PASD1: variants seen among roughly 807,000 people sequenced by gnomAD.
The protein encoded by PASD1 is circadian clock protein PASD1.
In PASD1, 13 loss-of-function variants were observed where a neutral mutation model predicts 58.8. The ratio of observed to expected loss-of-function variants is 0.22; its 90% CI spans 0.14 to 0.35. The LOEUF is 0.35. Ranked by LOEUF, PASD1 falls within the 10% of genes least tolerant of loss-of-function variation. PASD1 has a pLI of 1.00. For synonymous variants in PASD1, 236 were observed against 216.7 expected, an observed-to-expected ratio of 1.09 and a Z score of -0.78; for missense variants, 734 against 568.3, an observed-to-expected ratio of 1.29 and a Z score of -2.96.
At chrX:151,606,001 G>T (rs1276748390) in intron 3 of PASD1, among the ~76,000 whole-genome samples, 1 of 112,254 alleles carries the variant, frequency 8.9e-6, no homozygotes, top group African/African-American at 3.2e-5. Flanking sequence ...GAAACCAGAT[G>T]CTTATTTGAA....
chrX:151,604,241 G>GT (rs1203957043), intron 2 of PASD1, among the ~76,000 whole-genome samples: 1 of 111,980 alleles, frequency 8.9e-6, no homozygotes, highest in Non-Finnish European at 1.9e-5. Flanking sequence ...AAGCTAAAGA[G>GT]TGGAATTTCA....
intron 8 of PASD1, among the ~76,000 whole-genome samples, chrX:151,638,014 C>A (rs1443664858): frequency 9.0e-6 from 1 of 111,323 alleles, no homozygotes; most frequent in African/African-American, 3.3e-5. Context: ...ATTAATTTTG[C>A]AAAGTCAGAG....
At chrX:151,612,502 C>T (rs778268605) in intron 4 of PASD1, among the ~76,000 whole-genome samples, 4 of 109,816 alleles carry the variant, frequency 3.6e-5, no homozygotes, top group Non-Finnish European at 5.7e-5. Context: ...TTTTAATGAT[C>T]GCCATTCTAA....
chrX:151,604,999 C>T (rs982617779), intron 3 of PASD1, among the ~76,000 whole-genome samples: 12 of 111,902 alleles, frequency 1.1e-4, no homozygotes, highest in East Asian at 5.6e-4. Context: ...AACAAGTCTT[C>T]GCATAGGTTA....
At chrX:151,624,010 T>C (rs2013752685) in intron 7 of PASD1, among the ~76,000 whole-genome samples, 2 of 111,617 alleles carry the variant, frequency 1.8e-5, no homozygotes, top group South Asian at 3.8e-4. Flanking sequence ...TTCAAGTGCA[T>C]TGGAAAGCAG....
intron 3 of PASD1, among the ~76,000 whole-genome samples, chrX:151,609,995 T>C (rs2013536015): frequency 9.0e-6 from 1 of 111,331 alleles, no homozygotes; most frequent in South Asian, 3.8e-4. Context: ...GTTTTAATCA[T>C]AGCCCATCCT....
chrX:151,674,256 G>A (rs1479978108), intron 15 of PASD1, 70 bp downstream of exon 15: 1 of 1,157,035 alleles, frequency 8.6e-7, no homozygotes, highest in East Asian at 3.0e-5. Context: ...TCCACATAAG[G>A]CACACACCCC....
intron 7 of PASD1, 34 bp from the exon 8 acceptor site, chrX:151,625,414 T>C: frequency 9.2e-7 from 1 of 1,086,301 alleles, no homozygotes; most frequent in Non-Finnish European, 1.3e-6. Flanking sequence ...TTTATATACA[T>C]ATTAAATGTC....
At chrX:151,630,159 A>G (rs2013850088) in intron 8 of PASD1, among the ~76,000 whole-genome samples, 1 of 112,114 alleles carries the variant, frequency 8.9e-6, no homozygotes, top group Non-Finnish European at 1.9e-5. Flanking sequence ...AAGCGGATGC[A>G]TTTAATGAAG....
chrX:151,578,133 T>A (rs944170287), intron 1 of PASD1, among the ~76,000 whole-genome samples: 7 of 112,236 alleles, frequency 6.2e-5, no homozygotes, highest in Non-Finnish European at 1.1e-4. Flanking sequence ...ACTGAAGTCA[T>A]TTTGGAGATT....
intron 1 of PASD1, among the ~76,000 whole-genome samples, chrX:151,575,651 T>A (rs770016116): frequency 9.1e-6 from 1 of 109,868 alleles, no homozygotes; most frequent in Non-Finnish European, 1.9e-5. Flanking sequence ...AGCTGGAATT[T>A]TTTTTTTCTT....
At chrX:151,575,386 T>G (rs144047506) in intron 1 of PASD1, among the ~76,000 whole-genome samples, 5,780 of 111,175 alleles carry the variant, frequency 0.052, 143 homozygotes, top group African/African-American at 0.088. Context: ...TTCCCTGGTG[T>G]TGTTAGATGG....
At chrX:151,578,787 C>T (rs1005473546) in intron 1 of PASD1, among the ~76,000 whole-genome samples, 1 of 112,204 alleles carries the variant, frequency 8.9e-6, no homozygotes, top group African/African-American at 3.2e-5. Context: ...GAGTTCACCT[C>T]GTTGGAGAGA....
intron 3 of PASD1, among the ~76,000 whole-genome samples, chrX:151,610,896 C>T (rs1217909803): frequency 9.2e-6 from 1 of 108,157 alleles, no homozygotes; most frequent in Non-Finnish European, 1.9e-5. Context: ...TGTCTCCTTT[C>T]ACTGGATAAG....
chrX:151,662,520 G>T (rs1003543239), intron 10 of PASD1, among the ~76,000 whole-genome samples: 2 of 111,015 alleles, frequency 1.8e-5, no homozygotes, highest in African/African-American at 6.6e-5. Context: ...ATTGTTACAG[G>T]TGTGTCACTA....
rs1042278242 is a variant in PASD1, at chrX:151,583,475, A to G, written c.-27-18052A>G. 1.1e-4 allele frequency among the ~76,000 whole-genome samples: 12 copies of G among 112,106 alleles called. No homozygotes were observed. In the South Asian group the frequency reaches 1.5e-3, roughly 14 times the overall value. ...TCATCTCCAAGGAACTCTTATAACAAGGGACCTGAAGACAGATTCCCTGTC... is the reference window on the plus strand; with the variant it reads ...TCATCTCCAAGGAACTCTTATAACAGGGGACCTGAAGACAGATTCCCTGTC... On this transcript the variant is annotated intron_variant, in intron 1 of 15. Transcript: ENST00000370357.
At chrX:151,591,890 A>G (rs1398705529) in intron 1 of PASD1, among the ~76,000 whole-genome samples, 1 of 111,870 alleles carries the variant, frequency 8.9e-6, no homozygotes, top group Non-Finnish European at 1.9e-5. Context: ...GCTATATTAA[A>G]CACACACACA....
intron 9 of PASD1, among the ~76,000 whole-genome samples, chrX:151,655,613 T>A (rs374631929): frequency 1.9e-3 from 217 of 112,228 alleles, no homozygotes; most frequent in Non-Finnish European, 2.9e-3. Context: ...AGTGATGGTG[T>A]GCATTTTTTC....
At chrX:151,666,211 G>GT (rs2014378218) in intron 11 of PASD1, among the ~76,000 whole-genome samples, 1 of 109,635 alleles carries the variant, frequency 9.1e-6, no homozygotes, top group Non-Finnish European at 1.9e-5. Context: ...GATCAGGACT[G>GT]TGGCTCTCTG....
Sources: allele counts gnomAD v4.1 joint callset (sites outside exome capture counted in the v4.1 genomes callset), GRCh38; gene constraint gnomAD v4.1.1; transcripts MANE v1.5; gene names NCBI Gene and HGNC (gene_info 2026-07-23, HGNC 2026-07-21).